The following WWTR1 variants were observed in gnomAD, a reference collection of about 807,000 sequenced individuals.
The protein encoded by WWTR1 is WW domain containing transcription regulator 1.
Under a neutral mutation model 40.1 loss-of-function variants are expected in WWTR1, and 13 were observed. The ratio of observed to expected loss-of-function variants is 0.32; its 90% CI spans 0.21 to 0.52. WWTR1 has a LOEUF of 0.52. Among genes scored for constraint, WWTR1 ranks in the 20% least tolerant of loss-of-function variants. WWTR1 has a pLI of 0.97. For synonymous variants in WWTR1, 230 were observed against 210.1 expected, an observed-to-expected ratio of 1.09 and a Z score of -0.82; for missense variants, 436 against 523.1, an observed-to-expected ratio of 0.83 and a Z score of 1.63.
chr3:149,593,051 C>A (rs1322262393), intron 2 of WWTR1, among the ~76,000 whole-genome samples: 2 of 152,166 alleles, frequency 1.3e-5, no homozygotes, highest in Non-Finnish European at 2.9e-5. Flanking sequence ...CACAGTATCA[C>A]CCAGATACCG....
At chr3:149,556,394 C>T (rs1230656720) in intron 3 of WWTR1, among the ~76,000 whole-genome samples, 1 of 152,152 alleles carries the variant, frequency 6.6e-6, no homozygotes. Context: ...GCCTTGCCAA[C>T]ATAGTGAAAC....
upstream of WWTR1, among the ~76,000 whole-genome samples, chr3:149,663,020 C>G (rs1713650773): frequency 6.6e-6 from 1 of 152,110 alleles, no homozygotes; most frequent in African/African-American, 2.4e-5. Flanking sequence ...TCAAACATAA[C>G]ACTGCCTTAC....
At position 149,599,984 on chromosome 3, in the gene WWTR1, A is replaced by C. The variant is rs143877536; in HGVS notation, c.432-26984T>G. ...AATTTGTAAAAATGAATACAAATAA[A>C]AAACAATACAATGATACAGTATAAC... On this transcript the variant is annotated intron_variant, in intron 2 of 6. Transcript: ENST00000360632. 5.0e-3 allele frequency among the ~76,000 whole-genome samples: 757 copies of C among 152,370 alleles called. 3 individuals carry two copies. The highest frequency in any genetic ancestry group is 0.018 in the African/African-American group (734 of 41,590).
At chr3:149,723,779 G>A (rs1031171054) in intron 4 of WWTR1, among the ~76,000 whole-genome samples, 14 of 152,138 alleles carry the variant, frequency 9.2e-5, no homozygotes, top group African/African-American at 3.4e-4. Context: ...CGCAACAATG[G>A]GGTAAAGTGC....
At chr3:149,661,950 C>G (rs1477603374), upstream of WWTR1, among the ~76,000 whole-genome samples, 1 of 151,760 alleles carries the variant, frequency 6.6e-6, no homozygotes, top group Non-Finnish European at 1.5e-5. Context: ...CCAGGCTGGT[C>G]TTGAACTCCT....
chr3:149,628,347 C>G (rs1053603092), intron 2 of WWTR1, among the ~76,000 whole-genome samples: 3 of 152,198 alleles, frequency 2.0e-5, no homozygotes, highest in Non-Finnish European at 2.9e-5. Context: ...CCAGCCTGGG[C>G]AACAGAGCGA....
intron 3 of WWTR1, among the ~76,000 whole-genome samples, chr3:149,553,747 A>C (rs1200090737): frequency 6.6e-6 from 1 of 152,194 alleles, no homozygotes; most frequent in Non-Finnish European, 1.5e-5. Context: ...AAAATATTTC[A>C]GCATCAAGAG....
rs185137532 is a variant in WWTR1, at chr3:149,524,872, G to A, written c.1018+1141C>T. On this transcript the variant is annotated intron_variant, in intron 6 of 6. Transcript: ENST00000360632. Reference sequence around the variant, plus strand: ...TTTTCAACACAAAACAATTACTTTCGTCAATGATAATGGAGAAGGAACTTT... The same window carrying A: ...TTTTCAACACAAAACAATTACTTTCATCAATGATAATGGAGAAGGAACTTT... Among the ~76,000 whole-genome samples the A allele has an allele frequency of 1.1e-4, 16 of 152,264 alleles. No homozygotes were observed. The East Asian group carries it at 1.3e-3, about 13-fold the overall frequency.
At chr3:149,682,483 G>T (rs2108204988) in intron 1 of WWTR1, among the ~76,000 whole-genome samples, 1 of 152,340 alleles carries the variant, frequency 6.6e-6, no homozygotes. Flanking sequence ...CTTTGGTGAA[G>T]TTGGAGTTGG....
Position 149,531,171 on chromosome 3 carries a change from A to G in WWTR1, c.772-3202T>C, listed in dbSNP as rs141916998. Among the ~76,000 whole-genome samples, 1,009 of 152,246 alleles carry G rather than the reference A, an allele frequency of 6.6e-3. 7 individuals are homozygous for G. Among genetic ancestry groups the G allele is most frequent in the African/African-American group, 0.023 (941 of 41,568 alleles). On this transcript the variant is annotated intron_variant, in intron 4 of 6. Transcript: ENST00000360632. ...GCTGGTCTCGAACTCCTGGCCTCAAATGATCTGCCCACCTTGGCCTCCCAA... is the reference window on the plus strand; with the variant it reads ...GCTGGTCTCGAACTCCTGGCCTCAAGTGATCTGCCCACCTTGGCCTCCCAA...
intron 4 of WWTR1, among the ~76,000 whole-genome samples, chr3:149,538,652 C>T (rs1466352922): frequency 6.6e-6 from 1 of 152,132 alleles, no homozygotes; most frequent in South Asian, 2.1e-4. Context: ...CTCTTTTGAT[C>T]CTAATTCTGT....
intron 2 of WWTR1, among the ~76,000 whole-genome samples, chr3:149,668,766 G>A (rs772782381): frequency 3.9e-5 from 6 of 152,140 alleles, no homozygotes; most frequent in Non-Finnish European, 7.4e-5. Flanking sequence ...TGAGGCAATA[G>A]TTACATTGAT....
chr3:149,694,647 G>C lies in WWTR1; in HGVS notation c.-108+8477C>G, dbSNP rs974016502. Among the ~76,000 whole-genome samples the C allele has an allele frequency of 2.6e-5, 4 of 152,144 alleles. No homozygotes were observed. The East Asian group carries it at 7.7e-4, about 29-fold the overall frequency. ...ATATCATCTGACCCCAGTTAAAGTG[G>C]CTTGTATCCAAAAGACAGGCAATAA... On this transcript the variant is annotated intron_variant, in intron 1 of 7. Coordinates refer to the WWTR1 transcript ENST00000465804.
intron 5 of WWTR1, among the ~76,000 whole-genome samples, chr3:149,712,669 A>T (rs1049306159): frequency 6.6e-6 from 1 of 152,258 alleles, no homozygotes; most frequent in African/African-American, 2.4e-5. Context: ...GACATTAGTC[A>T]GTCTCAGGCC....
At chr3:149,643,492 GC>G (rs1408444099) in intron 2 of WWTR1, among the ~76,000 whole-genome samples, 1 of 152,112 alleles carries the variant, frequency 6.6e-6, no homozygotes, top group Non-Finnish European at 1.5e-5. Context: ...TTATAACTTA[GC>G]TCAGTTAGTT....
chr3:149,626,049 T>C (rs1470109780), intron 2 of WWTR1, among the ~76,000 whole-genome samples: 1 of 152,106 alleles, frequency 6.6e-6, no homozygotes, highest in East Asian at 1.9e-4. Context: ...TACAACCACA[T>C]AGCAATGACT....
chr3:149,575,899 C>T (rs1272301674), intron 2 of WWTR1: 3 of 449,808 alleles, frequency 6.7e-6, no homozygotes, highest in Non-Finnish European at 1.3e-5. Context: ...ACCGAGCTTA[C>T]CCATGGCTTG....
chr3:149,657,768 G>C lies in WWTR1; in HGVS notation c.-7C>G, dbSNP rs940925382. The C allele has an allele frequency of 6.3e-6, 1 of 158,118 alleles. No individual in the cohort carries two copies. Among genetic ancestry groups the C allele is most frequent in the South Asian group, 2.0e-4 (1 of 5,128 alleles). 9.8% of individuals were successfully genotyped at this position (158,118 alleles called of 1,614,324 possible). ...CGCGAGCTCCAGCGGGCACTACCTGGGCGGGCAGCGAAGCTGAGCCTGAGC... is the reference window on the plus strand; with the variant it reads ...CGCGAGCTCCAGCGGGCACTACCTGCGCGGGCAGCGAAGCTGAGCCTGAGC... On this transcript the variant is annotated 5_prime_UTR_variant, in exon 1 of 7. Coordinates refer to ENST00000360632, the MANE Select transcript of WWTR1 (RefSeq NM_015472.6).
rs768530840 is a variant in WWTR1, at chr3:149,542,359, C to A, written c.747G>T (p.Met249Ile). The change falls in exon 4 of 7, where the codon ATG becomes ATT. Residue 249 changes from methionine to isoleucine, a missense_variant. Coordinates refer to ENST00000360632, the MANE Select transcript of WWTR1 (RefSeq NM_015472.6). ...CCTGCCTCATGAGCTCCTCTTGGCG[C>A]ATTCGAATCCTTTCTCTCTCCATCT... ...RIQMERERIR[M>I]RQEELMRQEA... 18 of 1,613,890 alleles carry A rather than the reference C, an allele frequency of 1.1e-5. No homozygotes were observed. Among genetic ancestry groups the A allele is most frequent in the Non-Finnish European group, 1.5e-5 (18 of 1,179,900 alleles).
Sources: gnomAD v4.1 joint callset for allele counts (sites outside exome capture counted in the v4.1 genomes callset) on GRCh38, gnomAD v4.1.1 for gene constraint, MANE v1.5 for transcripts, NCBI Gene and HGNC (gene_info 2026-07-23, HGNC 2026-07-21) for gene names.